Variants in MBNL2 observed in about 807,000 individuals in gnomAD.
MBNL2 encodes muscleblind like splicing regulator 2.
A neutral mutation model predicts 41.9 loss-of-function variants in MBNL2; 17 were observed. The observed-to-expected ratio is 0.41, with a 90% CI of 0.28 to 0.61. The LOEUF (loss-of-function observed/expected upper bound fraction) is 0.61. Among genes scored for constraint, MBNL2 ranks in the 20% least tolerant of loss-of-function variants. MBNL2 has a pLI of 0.35. For missense variants in MBNL2, 336 were observed against 505.6 expected (o/e 0.66, Z 3.22); for synonymous variants, 195 against 182.9 (o/e 1.07, Z -0.53).
At chr13:97,192,461 A>C in the MBNL2 span, among the ~76,000 whole-genome samples, 1 of 152,350 alleles carries the variant, frequency 6.6e-6, no homozygotes, top group African/African-American at 2.4e-5. Context: ...CTAACACCAG[A>C]GCTTAAGAAA....
intron 1 of MBNL2, among the ~76,000 whole-genome samples, chr13:97,229,988 G>A (rs965875483): frequency 6.6e-6 from 1 of 152,104 alleles, no homozygotes; most frequent in Non-Finnish European, 1.5e-5. Flanking sequence ...ATAATAGAAC[G>A]CAGTGAGAGC....
intron 2 of MBNL2, among the ~76,000 whole-genome samples, chr13:97,322,380 T>C (rs1488929136): frequency 6.6e-6 from 1 of 152,184 alleles, no homozygotes; most frequent in African/African-American, 2.4e-5. Context: ...TGGCTTATAA[T>C]GGTTCAATTT....
At chr13:97,244,852 T>C (rs2045118564) in intron 1 of MBNL2, among the ~76,000 whole-genome samples, 1 of 152,208 alleles carries the variant, frequency 6.6e-6, no homozygotes, top group Non-Finnish European at 1.5e-5. Context: ...AATTGAAATA[T>C]AATAAAACTG....
At chr13:97,158,527 G>A in the MBNL2 span, among the ~76,000 whole-genome samples, 2 of 151,420 alleles carry the variant, frequency 1.3e-5, no homozygotes, top group South Asian at 2.1e-4. Flanking sequence ...TCTCTTGTGG[G>A]CATTTAGTGC....
intron 1 of MBNL2, among the ~76,000 whole-genome samples, chr13:97,246,294 C>T (rs1160505662): frequency 1.3e-5 from 2 of 152,046 alleles, no homozygotes; most frequent in Non-Finnish European, 2.9e-5. Flanking sequence ...CACACACACA[C>T]ACACACACAC....
In MBNL2 at chr13:97,365,122, T is replaced by C. The variant is rs746869189; in HGVS notation, c.1013-14T>C. The stretch of plus-strand genomic sequence containing the variant: ...CTTTATTCACTTTTTCCACCCACCA[T>C]TGCATGACATCAGGGTCAGTTTTGT... On this transcript the variant is annotated splice_polypyrimidine_tract_variant and intron_variant, in intron 7 of 8. Coordinates refer to ENST00000679496, the MANE Select transcript of MBNL2 (RefSeq NM_001382683.1). 3.8e-6 allele frequency: 6 copies of C among 1,584,026 alleles called. No individual in the cohort carries two copies. Among genetic ancestry groups the C allele is most frequent in the South Asian group, 3.3e-5 (3 of 90,518 alleles).
chr13:97,328,403 G>A (rs1023044682), intron 2 of MBNL2, among the ~76,000 whole-genome samples: 1 of 152,168 alleles, frequency 6.6e-6, no homozygotes, highest in Non-Finnish European at 1.5e-5. Flanking sequence ...CCTGAAGGCT[G>A]CGTCTAAAGC....
At chr13:97,245,463 C>G (rs1431845170) in intron 1 of MBNL2, among the ~76,000 whole-genome samples, 1 of 152,160 alleles carries the variant, frequency 6.6e-6, no homozygotes, top group Admixed American at 6.5e-5. Flanking sequence ...CCGTCTTCTC[C>G]CTACGAAAGC....
intron 2 of MBNL2, among the ~76,000 whole-genome samples, chr13:97,294,915 A>G (rs901751683): frequency 6.6e-6 from 1 of 152,242 alleles, no homozygotes; most frequent in African/African-American, 2.4e-5. Flanking sequence ...GTGTCCAACT[A>G]TGCAGAAGCC....
intron 2 of MBNL2, among the ~76,000 whole-genome samples, chr13:97,307,002 T>G (rs2058184655): frequency 6.6e-6 from 1 of 152,214 alleles, no homozygotes; most frequent in African/African-American, 2.4e-5. Flanking sequence ...CCCTGTAGAC[T>G]TTTGATTTTT....
chr13:97,309,003 G>A (rs2058354242), intron 2 of MBNL2, among the ~76,000 whole-genome samples: 1 of 152,208 alleles, frequency 6.6e-6, no homozygotes, highest in Non-Finnish European at 1.5e-5. Flanking sequence ...GGTGAAGTAA[G>A]AGGGCAGTCT....
chr13:97,318,940 T>C (rs943361806), intron 2 of MBNL2, among the ~76,000 whole-genome samples: 5 of 152,128 alleles, frequency 3.3e-5, no homozygotes, highest in African/African-American at 4.8e-5. Flanking sequence ...TGGAGAAACA[T>C]GCAGCAGCAG....
rs1343424421 is a variant in MBNL2 at position 97,356,914 on chromosome 13, T to C, written c.858+65T>C. On this transcript the variant is annotated intron_variant, in intron 6 of 8. Coordinates refer to ENST00000679496, the MANE Select transcript of MBNL2 (RefSeq NM_001382683.1). ...TCAGAGAACCATCTGAGATTTGTAT[T>C]ACTTGTAAAATACTGGTTGCAAACA... The C allele has an allele frequency of 5.7e-6, 6 of 1,057,584 alleles. No individual in the cohort carries two copies. The Admixed American group carries it at 1.1e-4, about 19-fold the overall frequency. The allele number at this position is 1,057,584 out of a possible 1,614,324, so 65.5% of individuals were successfully genotyped here.
chr13:97,203,903 T>TGGATGGATGGAC, the MBNL2 span, among the ~76,000 whole-genome samples: 39 of 151,776 alleles, frequency 2.6e-4, no homozygotes, highest in African/African-American at 9.4e-4. Flanking sequence ...GATGGATGGA[T>TGGATGGATGGAC]GGATGGATGG....
chr13:97,153,311 G>A, the MBNL2 span, among the ~76,000 whole-genome samples: 17 of 151,366 alleles, frequency 1.1e-4, no homozygotes, highest in African/African-American at 2.5e-4. Context: ...GTGTTTGAGC[G>A]TGTGTGTGAG....
the MBNL2 span, chr13:97,179,608 G>C: frequency 6.6e-6 from 1 of 152,256 alleles, no homozygotes; most frequent in African/African-American, 2.4e-5. Context: ...CTTGCTTCCT[G>C]ACCTGCTGAC....
rs767052331 is a variant in MBNL2 at position 97,345,960 on chromosome 13, T to C, written c.541-844T>C. On this transcript the variant is annotated intron_variant, in intron 4 of 8. Transcript: ENST00000679496. ...AGAGAGGTAGATAGATTATAGGTGA[T>C]TGACAGATTAAATAGATAGATTATA... is the stretch of plus-strand genomic sequence containing the variant. 1.5e-4 allele frequency among the ~76,000 whole-genome samples: 23 copies of C among 152,188 alleles called. No homozygotes were observed. The East Asian group carries it at 1.9e-3, about 13-fold the overall frequency.
chr13:97,152,551 A>C, the MBNL2 span, among the ~76,000 whole-genome samples: 1 of 152,234 alleles, frequency 6.6e-6, no homozygotes, highest in East Asian at 1.9e-4. Context: ...TTCAGAAAGT[A>C]AAGAAATAAT....
At chr13:97,381,327 T>A (rs2065438048) in intron 8 of MBNL2, among the ~76,000 whole-genome samples, 1 of 152,186 alleles carries the variant, frequency 6.6e-6, no homozygotes, top group Non-Finnish European at 1.5e-5. Context: ...ATTTGGTTGC[T>A]TTTCTCCCTT....
Sources: gnomAD v4.1 joint callset for allele counts (sites outside exome capture counted in the v4.1 genomes callset) on GRCh38, gnomAD v4.1.1 for gene constraint, MANE v1.5 for transcripts, NCBI Gene and HGNC (gene_info 2026-07-23, HGNC 2026-07-21) for gene names.